DMRT1: variants seen among roughly 807,000 people sequenced by gnomAD.
The protein encoded by DMRT1 is doublesex- and mab-3-related transcription factor 1.
Under a neutral mutation model 32.3 loss-of-function variants are expected in DMRT1, and 7 were observed. That is an observed-to-expected ratio of 0.22 (90% CI 0.12 to 0.41). The LOEUF (loss-of-function observed/expected upper bound fraction) is 0.41. Ranked by LOEUF, DMRT1 falls within the 10% of genes least tolerant of loss-of-function variation. The pLI is 1.00. For synonymous variants in DMRT1, 278 were observed against 206.1 expected, an observed-to-expected ratio of 1.35 and a Z score of -2.99; for missense variants, 625 against 500.5, an observed-to-expected ratio of 1.25 and a Z score of -2.37.
At chr9:888,367 G>A (rs144500131) in intron 2 of DMRT1, among the ~76,000 whole-genome samples, 3,334 of 151,296 alleles carry the variant, frequency 0.022, 120 homozygotes, top group African/African-American at 0.077. Flanking sequence ...GTGCAGTGGT[G>A]CGATCTCGGC....
chr9:894,587 C>G (rs1817280386), intron 3 of DMRT1: 1 of 307,282 alleles, frequency 3.3e-6, no homozygotes, highest in African/African-American at 2.2e-5. Flanking sequence ...TTTGTCCCCA[C>G]TTTCGTTGGG....
chr9:905,488 CTGTGTGTG>C (rs57056050), intron 3 of DMRT1, among the ~76,000 whole-genome samples: 2 of 147,722 alleles, frequency 1.4e-5, no homozygotes, highest in Admixed American at 6.7e-5. Flanking sequence ...GTGTGTGTGT[CTGTGTGTG>C]TGTGTGTGTG....
At chr9:927,783 A>G (rs973009982) in intron 4 of DMRT1, among the ~76,000 whole-genome samples, 5 of 152,040 alleles carry the variant, frequency 3.3e-5, no homozygotes, top group African/African-American at 1.2e-4. Context: ...CTTTGGGGGG[A>G]ACTAGAGTAG....
chr9:912,338 T>C (rs1242891928), intron 3 of DMRT1, among the ~76,000 whole-genome samples: 2 of 152,240 alleles, frequency 1.3e-5, no homozygotes. Flanking sequence ...ACCATATCAG[T>C]TCACATTCTA....
chr9:884,661 T>C (rs1440292246), intron 2 of DMRT1, among the ~76,000 whole-genome samples: 2 of 152,178 alleles, frequency 1.3e-5, no homozygotes, highest in Non-Finnish European at 2.9e-5. Context: ...ATTAGGAGTA[T>C]ATACCAATGG....
intron 4 of DMRT1, among the ~76,000 whole-genome samples, chr9:930,141 C>T (rs6477373): frequency 0.021 from 3,228 of 152,242 alleles, 122 homozygotes; most frequent in African/African-American, 0.074. Context: ...GCTCCAAATA[C>T]GGAGCCTTTT....
At chr9:905,098 T>A (rs141116161) in intron 3 of DMRT1, among the ~76,000 whole-genome samples, 76 of 152,334 alleles carry the variant, frequency 5.0e-4, no homozygotes, top group African/African-American at 1.6e-3. Flanking sequence ...TGTTTAGAAT[T>A]TCCAGTGCAT....
At chr9:899,952 C>T (rs1349658603) in intron 3 of DMRT1, among the ~76,000 whole-genome samples, 3 of 152,180 alleles carry the variant, frequency 2.0e-5, no homozygotes, top group East Asian at 1.9e-4. Context: ...TTCGTTCTTT[C>T]TGGTGGTTAT....
At chr9:902,782 C>G (rs1817639034) in intron 3 of DMRT1, among the ~76,000 whole-genome samples, 1 of 152,164 alleles carries the variant, frequency 6.6e-6, no homozygotes, top group Non-Finnish European at 1.5e-5. Context: ...AGCCACCATG[C>G]CCAGCTTTCC....
At chr9:948,535 C>G (rs1405896544) in intron 4 of DMRT1, among the ~76,000 whole-genome samples, 2 of 152,062 alleles carry the variant, frequency 1.3e-5, no homozygotes, top group Non-Finnish European at 2.9e-5. Context: ...TGTTGGAAGC[C>G]TCTCTGCTGG....
At chr9:898,746 T>C (rs1269853184) in intron 3 of DMRT1, among the ~76,000 whole-genome samples, 1 of 152,226 alleles carries the variant, frequency 6.6e-6, no homozygotes, top group Non-Finnish European at 1.5e-5. Context: ...TTCTTGACTG[T>C]GTTGCTAAGG....
rs113580812 is a variant in DMRT1 at position 901,860 on chromosome 9, A to C, written c.822+7665A>C. Among the ~76,000 whole-genome samples, 514 of 150,348 alleles carry C rather than the reference A, an allele frequency of 3.4e-3. 4 individuals carry two copies. The highest frequency in any genetic ancestry group is 0.012 in the African/African-American group (472 of 40,868). ...TCCACAAGATAACACCCTCACTCCA[A>C]GGCTGCCCTCTCACCCCCATGGCCC... is the stretch of plus-strand genomic sequence containing the variant. On this transcript the variant is annotated intron_variant, in intron 3 of 4. Coordinates refer to ENST00000382276, the MANE Select transcript of DMRT1 (RefSeq NM_021951.3).
intron 2 of DMRT1, among the ~76,000 whole-genome samples, chr9:858,294 C>T (rs372893177): frequency 7.0e-4 from 107 of 152,194 alleles, no homozygotes; most frequent in African/African-American, 2.5e-3. Flanking sequence ...AGGTATTGTC[C>T]TTGTATTGTG....
chr9:884,269 A>C (rs1038470430), intron 2 of DMRT1, among the ~76,000 whole-genome samples: 2 of 152,002 alleles, frequency 1.3e-5, no homozygotes, highest in East Asian at 3.9e-4. Context: ...GGGCCCAGAG[A>C]CCAGCATATA....
chr9:869,181 A>C (rs144829243), intron 2 of DMRT1, among the ~76,000 whole-genome samples: 5 of 152,318 alleles, frequency 3.3e-5, no homozygotes, highest in East Asian at 3.9e-4. Flanking sequence ...CGGAACAGAA[A>C]GTACTAAGTG....
chr9:853,820 G>C (rs1433010135), intron 2 of DMRT1, among the ~76,000 whole-genome samples: 2 of 147,392 alleles, frequency 1.4e-5, no homozygotes, highest in Non-Finnish European at 1.5e-5. Context: ...TTTAGAGACA[G>C]GGTCTCATTC....
chr9:887,078 C>G (rs1426569655), intron 2 of DMRT1, among the ~76,000 whole-genome samples: 1 of 152,220 alleles, frequency 6.6e-6, no homozygotes, highest in Admixed American at 6.5e-5. Context: ...ATAATCTCAG[C>G]TACTCCAGAG....
chr9:898,546 G>A (rs922193420), intron 3 of DMRT1, among the ~76,000 whole-genome samples: 5 of 152,158 alleles, frequency 3.3e-5, no homozygotes, highest in African/African-American at 1.2e-4. Context: ...CCTCTTGGTG[G>A]CAGCTTCCTA....
chr9:857,313 A>T (rs564316453), intron 2 of DMRT1, among the ~76,000 whole-genome samples: 67 of 128,484 alleles, frequency 5.2e-4, no homozygotes, highest in East Asian at 4.5e-3. Context: ...TCTCAAAAAA[A>T]ATATATATAT....
Sources: allele counts gnomAD v4.1 joint callset (sites outside exome capture counted in the v4.1 genomes callset), GRCh38; gene constraint gnomAD v4.1.1; transcripts MANE v1.5; gene names NCBI Gene and HGNC (gene_info 2026-07-23, HGNC 2026-07-21).